The following PRKN variants were observed in gnomAD, a reference collection of about 807,000 sequenced individuals.
The protein encoded by PRKN is parkin RBR E3 ubiquitin protein ligase, also known as E3 ubiquitin-protein ligase parkin.
Under a neutral mutation model 59.5 loss-of-function variants are expected in PRKN, and 56 were observed. That is an observed-to-expected ratio of 0.94 (90% CI 0.76 to 1.18). PRKN has a LOEUF of 1.18. PRKN is among the 50% of genes most tolerant of loss of function. The pLI is 0.00. For missense variants in PRKN, 657 were observed against 596.4 expected, an observed-to-expected ratio of 1.10 and a Z score of -1.06; for synonymous variants, 250 against 222.1, an observed-to-expected ratio of 1.13 and a Z score of -1.12.
At chr6:162,131,747 C>CA (rs1419474136) in intron 4 of PRKN, among the ~76,000 whole-genome samples, 1 of 152,060 alleles carries the variant, frequency 6.6e-6, no homozygotes, top group Non-Finnish European at 1.5e-5. Flanking sequence ...ATTTCAGATA[C>CA]AAAAATGTAA....
chr6:162,456,430 C>T (rs954205198), intron 1 of PRKN, among the ~76,000 whole-genome samples: 2 of 152,102 alleles, frequency 1.3e-5, no homozygotes, highest in African/African-American at 4.8e-5. Context: ...TAGCATGACA[C>T]ATCATGATTC....
At chr6:161,648,279 C>G (rs890756619) in intron 7 of PRKN, among the ~76,000 whole-genome samples, 1 of 152,148 alleles carries the variant, frequency 6.6e-6, no homozygotes, top group Admixed American at 6.5e-5. Flanking sequence ...GCCTCAAAGT[C>G]AACAGCTCAG....
intron 5 of PRKN, among the ~76,000 whole-genome samples, chr6:162,034,192 G>T (rs201885352): frequency 0.14 from 18,381 of 135,086 alleles, 1,187 homozygotes; most frequent in East Asian, 0.19. Context: ...TATATAGAGA[G>T]AGAGAGAGAG....
At chr6:162,696,626 G>A (rs929075304) in intron 1 of PRKN, among the ~76,000 whole-genome samples, 7 of 142,250 alleles carry the variant, frequency 4.9e-5, no homozygotes, top group Admixed American at 2.2e-4. Context: ...GTGCAGTGGT[G>A]CAATCTTGGC....
intron 1 of PRKN, among the ~76,000 whole-genome samples, chr6:162,457,845 G>A (rs1375774506): frequency 6.6e-6 from 1 of 152,116 alleles, no homozygotes; most frequent in Non-Finnish European, 1.5e-5. Flanking sequence ...TTGTGGCCGG[G>A]CGTGGTGGCT....
intron 6 of PRKN, among the ~76,000 whole-genome samples, chr6:161,792,416 G>A (rs1790674249): frequency 1.3e-5 from 2 of 152,202 alleles, no homozygotes; most frequent in Admixed American, 6.5e-5. Context: ...GAATGGAGCT[G>A]TGAAAGCACA....
chr6:161,869,029 C>T (rs1333736697), intron 6 of PRKN, among the ~76,000 whole-genome samples: 1 of 152,262 alleles, frequency 6.6e-6, no homozygotes, highest in South Asian at 2.1e-4. Flanking sequence ...TGGAACTAAA[C>T]CACATTTTCC....
At chr6:161,814,656 C>T (rs1049297029) in intron 6 of PRKN, among the ~76,000 whole-genome samples, 8 of 152,284 alleles carry the variant, frequency 5.3e-5, no homozygotes, top group East Asian at 3.9e-4. Flanking sequence ...GCATGTGCCA[C>T]CACGCCCAGC....
chr6:162,338,584 C>T (rs1247123751), intron 2 of PRKN, among the ~76,000 whole-genome samples: 2 of 152,076 alleles, frequency 1.3e-5, no homozygotes, highest in Non-Finnish European at 2.9e-5. Context: ...AGTGCAGTGG[C>T]GTGATCTCGG....
chr6:162,555,718 C>T (rs901396716), intron 1 of PRKN, among the ~76,000 whole-genome samples: 2 of 151,944 alleles, frequency 1.3e-5, no homozygotes, highest in Non-Finnish European at 2.9e-5. Context: ...AATTCAAGGC[C>T]GGTGGCTCAC....
chr6:162,227,994 G>C (rs1778255847), intron 3 of PRKN, among the ~76,000 whole-genome samples: 1 of 151,914 alleles, frequency 6.6e-6, no homozygotes, highest in African/African-American at 2.4e-5. Flanking sequence ...GTTCTTGTGA[G>C]GGCTATTTTC....
chr6:162,630,059 G>T (rs1051673400), intron 1 of PRKN, among the ~76,000 whole-genome samples: 1 of 152,066 alleles, frequency 6.6e-6, no homozygotes, highest in Admixed American at 6.6e-5. Context: ...GTGCACGATG[G>T]TCTGCACAAG....
intron 6 of PRKN, among the ~76,000 whole-genome samples, chr6:161,958,228 C>T (rs752120454): frequency 2.0e-5 from 3 of 152,030 alleles, no homozygotes; most frequent in Admixed American, 6.6e-5. Flanking sequence ...TTATCAGTGA[C>T]GTTGTTTATT....
chr6:162,396,999 G>A (rs539317155), intron 2 of PRKN, among the ~76,000 whole-genome samples: 25 of 152,188 alleles, frequency 1.6e-4, no homozygotes, highest in Non-Finnish European at 2.4e-4. Flanking sequence ...TAGTTCCCAT[G>A]GCCATAGTGG....
chr6:162,429,051 T>A (rs986160541), intron 2 of PRKN, among the ~76,000 whole-genome samples: 3 of 152,202 alleles, frequency 2.0e-5, no homozygotes, highest in Non-Finnish European at 4.4e-5. Flanking sequence ...TAACTGAAAT[T>A]TACCATTTTT....
At chr6:161,567,792 T>C (rs1372520532) in intron 8 of PRKN, among the ~76,000 whole-genome samples, 1 of 152,274 alleles carries the variant, frequency 6.6e-6, no homozygotes, top group South Asian at 2.1e-4. Flanking sequence ...AAAACAAAAA[T>C]GGAAACACTG....
At chr6:162,719,101 G>A (rs531028246) in intron 1 of PRKN, among the ~76,000 whole-genome samples, 5 of 152,268 alleles carry the variant, frequency 3.3e-5, no homozygotes, top group African/African-American at 7.2e-5. Flanking sequence ...AGATCTCTAC[G>A]AAATATCACT....
At chr6:161,873,939 ATAAAAG>A (rs1794456439) in intron 6 of PRKN, among the ~76,000 whole-genome samples, 1 of 118,414 alleles carries the variant, frequency 8.4e-6, no homozygotes, top group Non-Finnish European at 1.6e-5. Context: ...TATAATATAT[ATAAAAG>A]AAATATATAT....
chr6:162,176,129 TAAGCCTTA>T (rs1419213376), intron 4 of PRKN, among the ~76,000 whole-genome samples: 4 of 152,166 alleles, frequency 2.6e-5, no homozygotes, highest in South Asian at 2.1e-4. Flanking sequence ...GGCACATGAC[TAAGCCTTA>T]AAGTCCTATA....
Sources: gnomAD v4.1 joint callset for allele counts (sites outside exome capture counted in the v4.1 genomes callset) on GRCh38, gnomAD v4.1.1 for gene constraint, MANE v1.5 for transcripts, NCBI Gene and HGNC (gene_info 2026-07-23, HGNC 2026-07-21) for gene names.